The following TNIK variants were observed in gnomAD, a reference collection of about 807,000 sequenced individuals.
TNIK encodes TRAF2 and NCK-interacting protein kinase.
In TNIK, 49 loss-of-function variants were observed where a neutral mutation model predicts 191.3. The ratio of observed to expected loss-of-function variants is 0.26; its 90% CI spans 0.20 to 0.32. The LOEUF (loss-of-function observed/expected upper bound fraction) is 0.32, where lower values mean the gene tolerates loss of function less well. Ranked by LOEUF, TNIK falls within the 10% of genes least tolerant of loss-of-function variation. The pLI is 1.00. For missense variants in TNIK, 1,155 were observed against 1,702.3 expected (o/e 0.68, Z 5.66); for synonymous variants, 594 against 600.9 (o/e 0.99, Z 0.17).
At chr3:171,194,150 T>C (rs1738380393) in intron 5 of TNIK, among the ~76,000 whole-genome samples, 1 of 152,210 alleles carries the variant, frequency 6.6e-6, no homozygotes, top group Non-Finnish European at 1.5e-5. Context: ...ACAGATAACT[T>C]AAATGAGTGA....
intron 1 of TNIK, among the ~76,000 whole-genome samples, chr3:171,416,001 A>AAAG (rs1723024718): frequency 6.9e-6 from 1 of 145,916 alleles, no homozygotes; most frequent in Non-Finnish European, 1.5e-5. Flanking sequence ...AAAAAAAGAA[A>AAAG]GAAAAAGAAA....
chr3:171,380,087 A>G (rs1428710008), intron 1 of TNIK, among the ~76,000 whole-genome samples: 1 of 152,046 alleles, frequency 6.6e-6, no homozygotes, highest in African/African-American at 2.4e-5. Context: ...CAATATGCAC[A>G]TGACCACCCC....
At chr3:171,293,812 G>A (rs1359054773) in intron 2 of TNIK, among the ~76,000 whole-genome samples, 1 of 152,138 alleles carries the variant, frequency 6.6e-6, no homozygotes, top group Non-Finnish European at 1.5e-5. Flanking sequence ...AGGTGCAGTG[G>A]CTCACACCTG....
At chr3:171,347,391 T>TCACACA (rs150384769) in intron 2 of TNIK, among the ~76,000 whole-genome samples, 4,536 of 146,094 alleles carry the variant, frequency 0.031, 86 homozygotes, top group South Asian at 0.04. Context: ...GAAGTGCCTA[T>TCACACA]CACACACACA....
intron 4 of TNIK, among the ~76,000 whole-genome samples, chr3:171,201,547 C>T (rs1346352409): frequency 6.6e-6 from 1 of 152,196 alleles, no homozygotes; most frequent in Non-Finnish European, 1.5e-5. Context: ...CCACAGATCT[C>T]ATCTGCATGA....
At chr3:171,075,969 C>T (rs1039081090) in intron 28 of TNIK, among the ~76,000 whole-genome samples, 26 of 152,322 alleles carry the variant, frequency 1.7e-4, no homozygotes, top group African/African-American at 6.0e-4. Flanking sequence ...AATACCTGAC[C>T]TCACGATCCA....
At chr3:171,161,386 G>T in intron 10 of TNIK, 50 bp from the exon 11 acceptor site, 2 of 1,563,222 alleles carry the variant, frequency 1.3e-6, no homozygotes, top group African/African-American at 1.4e-5. Flanking sequence ...CTATGGCTCA[G>T]TAAAGCCCAA....
intron 2 of TNIK, among the ~76,000 whole-genome samples, chr3:171,353,189 T>C (rs1426071946): frequency 1.3e-5 from 2 of 152,122 alleles, no homozygotes; most frequent in African/African-American, 2.4e-5. Flanking sequence ...CCAGAAAATT[T>C]TAAATTAAAG....
At chr3:171,146,052 C>G (rs1188549987) in intron 12 of TNIK, among the ~76,000 whole-genome samples, 3 of 152,092 alleles carry the variant, frequency 2.0e-5, no homozygotes, top group African/African-American at 2.4e-5. Context: ...GTCTGAGTAA[C>G]TGGTTTACTC....
At chr3:171,447,503 G>A (rs1480593252) in intron 1 of TNIK, among the ~76,000 whole-genome samples, 1 of 152,198 alleles carries the variant, frequency 6.6e-6, no homozygotes, top group African/African-American at 2.4e-5. Context: ...GTCATGACAA[G>A]GTCCATAAAT....
chr3:171,362,308 C>A (rs1321790823), intron 2 of TNIK, among the ~76,000 whole-genome samples: 1 of 152,086 alleles, frequency 6.6e-6, no homozygotes, highest in Non-Finnish European at 1.5e-5. Context: ...TAGGTTGGCA[C>A]AAAAGTTACT....
At chr3:171,082,610 C>T in intron 26 of TNIK, 2 of 551,346 alleles carry the variant, frequency 3.6e-6, no homozygotes, top group Non-Finnish European at 6.0e-6. Context: ...AAGTTAGCAG[C>T]ATTCATACAT....
chr3:171,255,260 G>A (rs999852329), intron 2 of TNIK, among the ~76,000 whole-genome samples: 10 of 152,134 alleles, frequency 6.6e-5, no homozygotes, highest in Admixed American at 2.0e-4. Context: ...TTTAGGTTAT[G>A]GAAAATCCCA....
chr3:171,198,222 CA>C (rs758033353), intron 4 of TNIK, among the ~76,000 whole-genome samples: 2 of 150,910 alleles, frequency 1.3e-5, no homozygotes, highest in Non-Finnish European at 2.9e-5. Context: ...GAGATTGCAC[CA>C]CTGTGCTCCA....
At chr3:171,244,183 G>A (rs1266337624) in intron 2 of TNIK, among the ~76,000 whole-genome samples, 1 of 151,316 alleles carries the variant, frequency 6.6e-6, no homozygotes, top group Non-Finnish European at 1.5e-5. Flanking sequence ...TCCTGCCTCA[G>A]CCTCCCGAGT....
chr3:171,285,524 G>T (rs1031498425), intron 2 of TNIK, among the ~76,000 whole-genome samples: 1 of 152,174 alleles, frequency 6.6e-6, no homozygotes, highest in Non-Finnish European at 1.5e-5. Flanking sequence ...TGACACTCAG[G>T]ACTGTTTTCT....
At chr3:171,453,531 A>G (rs1728445806) in intron 1 of TNIK, among the ~76,000 whole-genome samples, 2 of 152,160 alleles carry the variant, frequency 1.3e-5, no homozygotes, top group South Asian at 2.1e-4. Flanking sequence ...TGGTCTTAAC[A>G]TGCTAAAGAG....
intron 2 of TNIK, 89 bp downstream of exon 2, chr3:171,369,531 C>T: frequency 8.7e-6 from 8 of 920,258 alleles, no homozygotes; most frequent in Non-Finnish European, 1.3e-5. Context: ...TTGTTAGGAG[C>T]CATTTATGAG....
At chr3:171,157,973 A>C (rs1346559866) in intron 11 of TNIK, among the ~76,000 whole-genome samples, 1 of 152,132 alleles carries the variant, frequency 6.6e-6, no homozygotes, top group Non-Finnish European at 1.5e-5. Flanking sequence ...GGGACGTGGC[A>C]AAGATTTGTT....
Sources: allele counts gnomAD v4.1 joint callset (sites outside exome capture counted in the v4.1 genomes callset), GRCh38; gene constraint gnomAD v4.1.1; transcripts MANE v1.5; gene names NCBI Gene and HGNC (gene_info 2026-07-23, HGNC 2026-07-21).